Variants in HNF1A observed in about 807,000 individuals in gnomAD.
HNF1A encodes hepatocyte nuclear factor 1-alpha.
Under a neutral mutation model 62.2 loss-of-function variants are expected in HNF1A, and 21 were observed. The ratio of observed to expected loss-of-function variants is 0.34; its 90% CI spans 0.24 to 0.49. The LOEUF is 0.49. HNF1A is among the 20% of genes least tolerant of loss of function. The pLI, the probability that HNF1A is intolerant of heterozygous loss-of-function variation, is 0.99. For synonymous variants in HNF1A, 374 were observed against 366.8 expected (o/e 1.02, Z -0.22); for missense variants, 687 against 832.3 (o/e 0.83, Z 2.15).
chr12:121,001,276 CCTG>C lies in HNF1A; in HGVS notation c.*86_*88del. ...GCCAGCCCTGCCTGGAGGACCTGAGCCTGCCGAGCAACCGTGGCCCTTCCTGGA... is the reference window on the plus strand; with the variant it reads ...GCCAGCCCTGCCTGGAGGACCTGAGCCCGAGCAACCGTGGCCCTTCCTGGA... On this transcript the variant is annotated 3_prime_UTR_variant, in exon 10 of 10. Transcript: ENST00000257555. The C allele has an allele frequency of 6.5e-7, 1 of 1,535,064 alleles. No homozygotes were observed. The highest frequency in any genetic ancestry group is 1.2e-5 in the South Asian group (1 of 86,816).
rs761938026 is a variant in HNF1A at position 120,999,547 on chromosome 12, C to T, written c.1688C>T (p.Thr563Ile). The change falls in exon 9 of 10, where the codon ACC becomes ATC. Residue 563 changes from threonine (T) to isoleucine (I), a missense_variant. Thr to Ile is a moderately conservative substitution (Grantham distance 89). Transcript: ENST00000257555. ...CTTCACACGCCGGCATCTCAGGCCACCACCCTCCACGTCCCCAGCCAGGAC... is the reference window on the plus strand; with the variant it reads ...CTTCACACGCCGGCATCTCAGGCCATCACCCTCCACGTCCCCAGCCAGGAC... ...SGLHTPASQA[T>I]TLHVPSQDPA... 30 of 1,613,064 alleles carry T rather than the reference C, an allele frequency of 1.9e-5. No homozygotes were observed. Among genetic ancestry groups the T allele is most frequent in the Non-Finnish European group, 2.5e-5 (30 of 1,179,820 alleles).
intron 7 of HNF1A, chr12:120,998,080 G>A (rs1244267140): frequency 2.4e-6 from 1 of 412,312 alleles, no homozygotes; most frequent in Non-Finnish European, 4.5e-6. Context: ...AGGAGTTCAA[G>A]ACCAGCCTGG....
At chr12:120,994,074 G>T in intron 3 of HNF1A, 90 bp from the exon 4 acceptor site, 1 of 1,542,590 alleles carries the variant, frequency 6.5e-7, no homozygotes. Flanking sequence ...CCCTCCGGCA[G>T]AGCTCAGCTT....
intron 1 of HNF1A, among the ~76,000 whole-genome samples, chr12:120,987,503 A>G (rs1876573945): frequency 6.6e-6 from 1 of 151,008 alleles, no homozygotes; most frequent in African/African-American, 2.4e-5. Flanking sequence ...GAAAAAGAAA[A>G]GAAAAACCAG....
chr12:120,999,625 C>T lies in HNF1A; in HGVS notation c.1766C>T (p.Thr589Ile), dbSNP rs1877323775. 2 of 1,609,368 alleles carry T rather than the reference C, an allele frequency of 1.2e-6. No individual in the cohort carries two copies. Among genetic ancestry groups the T allele is most frequent in the South Asian group, 2.2e-5 (2 of 90,922 alleles). Reference sequence around the variant, plus strand: ...GCCCACCGGCTCAGCGCCAGCCCCACAGGTGAGAGGCCCTGGCTCCACCCC... The same window carrying T: ...GCCCACCGGCTCAGCGCCAGCCCCATAGGTGAGAGGCCCTGGCTCCACCCC... ...QPAHRLSASPTVSSSSLVLYQ... is the reference protein window; with the variant it reads ...QPAHRLSASPIVSSSSLVLYQ... The change falls in exon 9 of 10, where the codon ACA (threonine) becomes ATA (isoleucine). Residue 589 changes from threonine to isoleucine, a missense_variant and splice_region_variant. Coordinates refer to ENST00000257555, the MANE Select transcript of HNF1A (RefSeq NM_000545.8).
Position 121,001,198 on chromosome 12 carries a change from G to C in HNF1A, c.*6G>C. 1 of 1,613,850 alleles carries C rather than the reference G, an allele frequency of 6.2e-7. No individual in the cohort carries two copies. The highest frequency in any genetic ancestry group is 8.5e-7 in the Non-Finnish European group (1 of 1,179,946). ...TGGCCTCTTCCTCCCAGTAACCACGGCACCTGGGCCCTGGGGCCTGTACTG... is the reference window on the plus strand; with the variant it reads ...TGGCCTCTTCCTCCCAGTAACCACGCCACCTGGGCCCTGGGGCCTGTACTG... On this transcript the variant is annotated 3_prime_UTR_variant, in exon 10 of 10. Coordinates refer to ENST00000257555, the MANE Select transcript of HNF1A (RefSeq NM_000545.8).
chr12:120,995,171 GCTCCATCCACTCCA>G (rs1593059723), intron 4 of HNF1A, among the ~76,000 whole-genome samples: 2 of 132,706 alleles, frequency 1.5e-5, no homozygotes, highest in East Asian at 4.7e-4. Flanking sequence ...TCCATACCTG[GCTCCATCCACTCCA>G]CTCCATCTAC....
At chr12:120,987,779 T>G (rs1448572702) in intron 1 of HNF1A, among the ~76,000 whole-genome samples, 1 of 151,492 alleles carries the variant, frequency 6.6e-6, no homozygotes, top group Non-Finnish European at 1.5e-5. Context: ...TCTATCTATC[T>G]ATCTATCTAT....
chr12:120,992,416 T>C (rs1476017250), intron 2 of HNF1A, among the ~76,000 whole-genome samples: 1 of 152,202 alleles, frequency 6.6e-6, no homozygotes, highest in Non-Finnish European at 1.5e-5. Flanking sequence ...TTTTTTGAGA[T>C]GAGGTCTTGC....
intron 3 of HNF1A, 30 bp from the exon 4 acceptor site, chr12:120,994,134 C>T (rs1461055945): frequency 6.2e-7 from 1 of 1,608,644 alleles, no homozygotes; most frequent in Non-Finnish European, 8.5e-7. Flanking sequence ...TGAGCCTGGC[C>T]TGGAGGCTCA....
At chr12:120,987,972 C>T (rs1876603521) in intron 1 of HNF1A, among the ~76,000 whole-genome samples, 1 of 152,072 alleles carries the variant, frequency 6.6e-6, no homozygotes, top group Non-Finnish European at 1.5e-5. Flanking sequence ...TTCCTTTTTC[C>T]AGCAGGTCTC....
chr12:121,001,876 C>A lies in HNF1A; in HGVS notation c.*684C>A. The A allele has an allele frequency of 1.9e-6, 1 of 517,944 alleles. No homozygotes were observed. 32.1% of individuals were successfully genotyped at this position (517,944 alleles called of 1,614,324 possible). A position where few individuals can be genotyped will look rare whatever the true frequency, so the allele number is the denominator to read the frequency against. ...TCCCATCCCCAGCGATTCCCTCTCC[C>A]AGGCCCCATGACCTCCAGCTTTCCT... is the stretch of plus-strand genomic sequence containing the variant. On this transcript the variant is annotated 3_prime_UTR_variant, in exon 10 of 10. Transcript: ENST00000257555.
chr12:120,981,936 T>C (rs1876266271), intron 1 of HNF1A, among the ~76,000 whole-genome samples: 1 of 152,214 alleles, frequency 6.6e-6, no homozygotes, highest in African/African-American at 2.4e-5. Flanking sequence ...AGATATCTGC[T>C]GCCCTGTTGG....
In HNF1A at chr12:121,002,276, G is replaced by A. The variant is rs1489474008; in HGVS notation, c.*1084G>A. On this transcript the variant is annotated 3_prime_UTR_variant, in exon 10 of 10. Coordinates refer to ENST00000257555, the MANE Select transcript of HNF1A (RefSeq NM_000545.8). ...TGAGGGCAGTTCGCAGCCACCCTGA[G>A]GAGTCTGAGGTCCTGAGCACTGCCA... 6 of 441,942 alleles carry A rather than the reference G, an allele frequency of 1.4e-5. No individual in the cohort carries two copies. Among genetic ancestry groups the A allele is most frequent in the Non-Finnish European group, 2.6e-5 (6 of 232,692 alleles). The allele number at this position is 441,942 out of a possible 1,614,324, so 27.4% of individuals were successfully genotyped here. A position where few individuals can be genotyped will look rare whatever the true frequency, so the allele number is the denominator to read the frequency against.
In HNF1A at chr12:120,999,276, A is replaced by G; in HGVS notation, c.1510A>G (p.Ser504Gly). Reference protein sequence around the residue: ...AQLQSPHALYSHKPEVAQYTH... With the variant: ...AQLQSPHALYGHKPEVAQYTH... ...CTCTCCCCTGCGGCCAGCCCTCTACAGCCACAAGCCCGAGGTGGCCCAGTA... is the reference window on the plus strand; with the variant it reads ...CTCTCCCCTGCGGCCAGCCCTCTACGGCCACAAGCCCGAGGTGGCCCAGTA... Residue 504 changes from serine to glycine, a missense_variant, in exon 8 of 10, where the codon AGC becomes GGC. Ser to Gly is a moderately conservative substitution (Grantham distance 56). Around this residue, in one of 5 missense-constraint regions of HNF1A, gnomAD observed 408 missense variants for 455.3 expected, o/e 0.90. Transcript: ENST00000257555. 6.2e-7 allele frequency: 1 copy of G among 1,613,882 alleles called. No homozygotes were observed.
In HNF1A at chr12:121,002,297, T is replaced by A; in HGVS notation, c.*1105T>A. 6.7e-6 allele frequency: 3 copies of A among 444,718 alleles called. No homozygotes were observed. Among genetic ancestry groups the A allele is most frequent in the Non-Finnish European group, 1.3e-5 (3 of 234,634 alleles). The allele number at this position is 444,718 out of a possible 1,614,324, so 27.5% of individuals were successfully genotyped here. A position where few individuals can be genotyped will look rare whatever the true frequency, so the allele number is the denominator to read the frequency against. The stretch of plus-strand genomic sequence containing the variant: ...CTGAGGAGTCTGAGGTCCTGAGCAC[T>A]GCCAGGAGGGACAAAGGAGCCTGTG... On this transcript the variant is annotated 3_prime_UTR_variant, in exon 10 of 10. Coordinates refer to ENST00000257555, the MANE Select transcript of HNF1A (RefSeq NM_000545.8).
Position 120,989,009 on chromosome 12 carries a change from G to T in HNF1A, c.503G>T (p.Arg168Leu). ...GCCGCCCTGTACACCTGGTACGTCC[G>T]CAAGCAGCGAGAGGTGGCGCAGCGT... ...KRAALYTWYV[R>L]KQREVAQQFT... The change falls in exon 2 of 10, where the codon CGC becomes CTC. Residue 168 changes from arginine to leucine, a missense_variant. By Grantham distance (102) the Arg-to-Leu change is moderately radical. Transcript: ENST00000257555. The T allele has an allele frequency of 6.2e-7, 1 of 1,614,180 alleles. No homozygotes were observed. The highest frequency in any genetic ancestry group is 8.5e-7 in the Non-Finnish European group (1 of 1,180,026).
At chr12:120,995,165 T>A (rs577734767) in intron 4 of HNF1A, among the ~76,000 whole-genome samples, 2 of 146,364 alleles carry the variant, frequency 1.4e-5, no homozygotes, top group East Asian at 4.3e-4. Context: ...ATCCACTCCA[T>A]ACCTGGCTCC....
chr12:120,993,499 C>T (rs768833511), intron 2 of HNF1A, 21 bp from the exon 3 acceptor site: 1 of 1,613,000 alleles, frequency 6.2e-7, no homozygotes, highest in African/African-American at 1.3e-5. Flanking sequence ...GTACCCCACT[C>T]ACGGCTTTCT....
Sources: allele counts gnomAD v4.1 joint callset (sites outside exome capture counted in the v4.1 genomes callset), GRCh38; gene constraint gnomAD v4.1.1; regional missense constraint gnomAD v4.1.1; transcripts MANE v1.5; gene names NCBI Gene and HGNC (gene_info 2026-07-23, HGNC 2026-07-21).